ADAMTS20: variants seen among roughly 807,000 people sequenced by gnomAD.
The protein encoded by ADAMTS20 is A disintegrin and metalloproteinase with thrombospondin motifs 20.
Under a neutral mutation model 260.1 loss-of-function variants are expected in ADAMTS20, and 225 were observed. The ratio of observed to expected loss-of-function variants is 0.87; its 90% CI spans 0.78 to 0.97. The LOEUF is 0.97. ADAMTS20 is among the 50% of genes least tolerant of loss of function. The probability of loss-of-function intolerance (pLI) is 0.00; values close to 1 mark genes in which losing one functional copy is unlikely to be tolerated. For synonymous variants in ADAMTS20, 802 were observed against 769.5 expected (o/e 1.04, Z -0.70); for missense variants, 2,400 against 2,337.7 (o/e 1.03, Z -0.55).
At chr12:43,404,965 G>C (rs1332324524) in intron 28 of ADAMTS20, among the ~76,000 whole-genome samples, 2 of 151,834 alleles carry the variant, frequency 1.3e-5, no homozygotes, top group African/African-American at 2.4e-5. Flanking sequence ...GAGTGAATTT[G>C]GCAATGACTC....
At chr12:43,488,998 G>A (rs1231064783) in intron 7 of ADAMTS20, among the ~76,000 whole-genome samples, 1 of 151,888 alleles carries the variant, frequency 6.6e-6, no homozygotes, top group Non-Finnish European at 1.5e-5. Context: ...TATTGTACGT[G>A]CAATGTAACA....
At chr12:43,385,604 C>T (rs1055866264) in intron 29 of ADAMTS20, among the ~76,000 whole-genome samples, 4 of 152,098 alleles carry the variant, frequency 2.6e-5, no homozygotes, top group African/African-American at 9.7e-5. Context: ...AGTCTTTAAT[C>T]CATCTTGAGT....
At position 43,428,667 on chromosome 12, in the gene ADAMTS20, A is replaced by G; in HGVS notation, c.3622T>C (p.Cys1208Arg). 6.2e-7 allele frequency: 1 copy of G among 1,602,796 alleles called. No individual in the cohort carries two copies. The highest frequency in any genetic ancestry group is 8.5e-7 in the Non-Finnish European group (1 of 1,173,540). Residue 1208 changes from cysteine (C) to arginine (R), a missense_variant, in exon 25 of 39, where the codon TGT becomes CGT. Transcript: ENST00000389420. ...PAEIWDCFTP[C>R]GEWQAGDWSP... ...CAATCCCCTGCTTGCCACTCTCCAC[A>G]AGGGGTAAAACAGTCCCATATTTCA...
rs1397206275 is a variant in ADAMTS20, at chr12:43,532,059, G to C, written c.590C>G (p.Thr197Ser). 6.2e-7 allele frequency: 1 copy of C among 1,602,124 alleles called. No individual in the cohort carries two copies. Among genetic ancestry groups the C allele is most frequent in the East Asian group, 2.3e-5 (1 of 44,376 alleles). ...RQDLNNSFLQTLKYCSVSESQ... is the reference protein window; with the variant it reads ...RQDLNNSFLQSLKYCSVSESQ... ...ACCTGACACACTGCAATACTTCAGA[G>C]TCTGCAGAAAAGAGTTATTTAAGTC... Residue 197 changes from threonine to serine, a missense_variant, in exon 3 of 39, where the codon ACT (threonine) becomes AGT (serine). Transcript: ENST00000389420.
rs567261195 is a variant in ADAMTS20, at chr12:43,532,134, C to T, written c.515G>A (p.Gly172Glu). 2 of 1,612,110 alleles carry T rather than the reference C, an allele frequency of 1.2e-6. No homozygotes were observed. Among genetic ancestry groups the T allele is most frequent in the Admixed American group, 3.3e-5 (2 of 59,910 alleles). The change falls in exon 3 of 39, where the codon GGG becomes GAG. Residue 172 changes from glycine (G) to glutamate (E), a missense_variant. By Grantham distance (98) the Gly-to-Glu change is moderately conservative. Coordinates refer to ENST00000389420, the MANE Select transcript of ADAMTS20 (RefSeq NM_025003.5). ...YFLEPIMKAD[G>E]NEYEDGHNKP... ...GTTGTGACCATCTTCATATTCATTC[C>T]CATCTGCCTTCATTATAGGTTCTAA...
intron 28 of ADAMTS20, among the ~76,000 whole-genome samples, chr12:43,409,326 G>C (rs1219327243): frequency 6.6e-6 from 1 of 151,902 alleles, no homozygotes; most frequent in Non-Finnish European, 1.5e-5. Flanking sequence ...AATTAGGCCA[G>C]GCGCGGTGGC....
intron 3 of ADAMTS20, among the ~76,000 whole-genome samples, chr12:43,518,825 A>G (rs1440310233): frequency 6.6e-6 from 1 of 151,646 alleles, no homozygotes; most frequent in Admixed American, 6.6e-5. Flanking sequence ...AGGAAAAAAA[A>G]AAAAAAAAAA....
At chr12:43,525,099 A>G (rs930565237) in intron 3 of ADAMTS20, among the ~76,000 whole-genome samples, 1 of 152,192 alleles carries the variant, frequency 6.6e-6, no homozygotes, top group Non-Finnish European at 1.5e-5. Flanking sequence ...TAAAGTAAAC[A>G]TAAAAGAAAG....
chr12:43,421,888 A>C (rs2137289763), intron 28 of ADAMTS20, among the ~76,000 whole-genome samples: 1 of 152,198 alleles, frequency 6.6e-6, no homozygotes, highest in East Asian at 1.9e-4. Flanking sequence ...TTAATAAGAG[A>C]AATTAACAGT....
At chr12:43,459,161 A>C (rs1283312187) in intron 11 of ADAMTS20, among the ~76,000 whole-genome samples, 1 of 152,038 alleles carries the variant, frequency 6.6e-6, no homozygotes, top group Non-Finnish European at 1.5e-5. Flanking sequence ...CTGAGCTTTC[A>C]CTTGCCGCCT....
chr12:43,361,863 A>G (rs922376678), intron 37 of ADAMTS20, among the ~76,000 whole-genome samples: 4 of 152,212 alleles, frequency 2.6e-5, no homozygotes, highest in African/African-American at 9.6e-5. Flanking sequence ...TTTTAATTCC[A>G]TTTGACAGTT....
chr12:43,424,302 A>C (rs10880488), intron 28 of ADAMTS20, among the ~76,000 whole-genome samples: 48,654 of 151,906 alleles, frequency 0.32, 8,463 homozygotes, highest in East Asian at 0.75. Flanking sequence ...CTCAAAAAAA[A>C]GATATTTGAA....
At position 43,383,552 on chromosome 12, in the gene ADAMTS20, C is replaced by T. The variant is rs1017436003; in HGVS notation, c.4797+6G>A. 2.5e-6 allele frequency: 4 copies of T among 1,599,048 alleles called. No homozygotes were observed. Among genetic ancestry groups the T allele is most frequent in the East Asian group, 4.5e-5 (2 of 44,714 alleles). On this transcript the variant is annotated splice_donor_region_variant and intron_variant, in intron 31 of 38. Coordinates refer to ENST00000389420, the MANE Select transcript of ADAMTS20 (RefSeq NM_025003.5). The stretch of plus-strand genomic sequence containing the variant: ...AAAAATTCTCAACTTCCTTTCTTTA[C>T]CTTACCTGTGATGAGTCTGCTGTTA...
intron 14 of ADAMTS20, among the ~76,000 whole-genome samples, chr12:43,449,660 C>T (rs1001945755): frequency 1.4e-4 from 22 of 151,906 alleles, no homozygotes; most frequent in African/African-American, 5.3e-4. Context: ...AAAGAATGAC[C>T]AACTATAAGC....
chr12:43,504,752 A>C (rs1942817575), intron 3 of ADAMTS20, among the ~76,000 whole-genome samples: 1 of 152,198 alleles, frequency 6.6e-6, no homozygotes, highest in African/African-American at 2.4e-5. Flanking sequence ...GCAAAAAATA[A>C]ATTAACAACA....
At chr12:43,450,521 T>C (rs960648235) in intron 14 of ADAMTS20, among the ~76,000 whole-genome samples, 3 of 152,182 alleles carry the variant, frequency 2.0e-5, no homozygotes, top group Non-Finnish European at 2.9e-5. Context: ...TTCAGGCCAC[T>C]GAATAACCTT....
chr12:43,385,900 G>A (rs1411024348), intron 29 of ADAMTS20, among the ~76,000 whole-genome samples: 1 of 152,076 alleles, frequency 6.6e-6, no homozygotes, highest in African/African-American at 2.4e-5. Context: ...TATGCGTCCT[G>A]GAATTTATTC....
chr12:43,470,048 CA>C (rs1942225807), intron 7 of ADAMTS20, among the ~76,000 whole-genome samples: 1 of 152,048 alleles, frequency 6.6e-6, no homozygotes, highest in African/African-American at 2.4e-5. Context: ...TTAAAAAGAA[CA>C]AAAAAATTAT....
intron 37 of ADAMTS20, among the ~76,000 whole-genome samples, chr12:43,362,307 G>A (rs1212358594): frequency 1.3e-5 from 2 of 152,180 alleles, no homozygotes; most frequent in African/African-American, 4.8e-5. Context: ...AGAACTTCAG[G>A]AGAGGAGGGA....
Sources: gnomAD v4.1 joint callset for allele counts (sites outside exome capture counted in the v4.1 genomes callset) on GRCh38, gnomAD v4.1.1 for gene constraint, MANE v1.5 for transcripts, NCBI Gene and HGNC (gene_info 2026-07-23, HGNC 2026-07-21) for gene names.